ITPR1: variants seen among roughly 807,000 people sequenced by gnomAD.
The protein encoded by ITPR1 is inositol 1,4,5-trisphosphate receptor type 1.
In ITPR1, 96 loss-of-function variants were observed where a neutral mutation model predicts 318.4. The observed-to-expected ratio is 0.30, with a 90% CI of 0.26 to 0.36. ITPR1 has a LOEUF of 0.36. Ranked by LOEUF, ITPR1 falls within the 10% of genes least tolerant of loss-of-function variation. ITPR1 has a pLI of 1.00. For missense variants in ITPR1, 2,440 were observed against 3,460.2 expected (o/e 0.71, Z 7.40); for synonymous variants, 1,312 against 1,289.9 (o/e 1.02, Z -0.37).
chr3:4,578,910 C>A (rs1234990615), intron 4 of ITPR1, among the ~76,000 whole-genome samples: 6 of 152,146 alleles, frequency 3.9e-5, no homozygotes, highest in African/African-American at 1.4e-4. Context: ...AGAGGGGGCC[C>A]CACAGGGTCA....
At chr3:4,752,697 C>T (rs375253417) in intron 44 of ITPR1, among the ~76,000 whole-genome samples, 1 of 152,244 alleles carries the variant, frequency 6.6e-6, no homozygotes, top group East Asian at 1.9e-4. Context: ...AGAGGCCTTA[C>T]TGTGTTGACC....
Position 4,777,255 on chromosome 3 carries a change from T to G in ITPR1, c.6181-9T>G. ...GTTTGTGTGAATGTCTGTGTGTGTC[T>G]TTGCTCAGAACTGCATAGCCACCCA... On this transcript the variant is annotated splice_polypyrimidine_tract_variant and intron_variant, in intron 47 of 61. Transcript: ENST00000649015. 1 of 1,555,854 alleles carries G rather than the reference T, an allele frequency of 6.4e-7. No individual in the cohort carries two copies. The highest frequency in any genetic ancestry group is 8.8e-7 in the Non-Finnish European group (1 of 1,136,492).
intron 4 of ITPR1, among the ~76,000 whole-genome samples, chr3:4,586,417 T>TA (rs1437526776): frequency 1.3e-5 from 2 of 152,186 alleles, no homozygotes; most frequent in East Asian, 3.9e-4. Context: ...TTAACCCTGG[T>TA]AGTCTGACTC....
chr3:4,824,775 T>C (rs2049966577), intron 60 of ITPR1, among the ~76,000 whole-genome samples: 1 of 152,158 alleles, frequency 6.6e-6, no homozygotes, highest in Admixed American at 6.5e-5. Context: ...TCCGAGCTGC[T>C]GCCGCCAGCA....
chr3:4,831,106 GTCTC>G lies in ITPR1; in HGVS notation c.8029-5645_8029-5642del, dbSNP rs147851903. 8.7e-3 allele frequency: 3,431 copies of G among 395,650 alleles called. 278 individuals are homozygous for G. Among genetic ancestry groups the G allele is most frequent in the Admixed American group, 0.022 (778 of 35,356 alleles). The allele number at this position is 395,650 out of a possible 1,614,324, so 24.5% of individuals were successfully genotyped here. A position where few individuals can be genotyped will look rare whatever the true frequency, so the allele number is the denominator to read the frequency against. On this transcript the variant is annotated intron_variant, in intron 60 of 61. Transcript: ENST00000649015. The stretch of plus-strand genomic sequence containing the variant: ...CTTCCTCCTCCGTCTGTCTGTCTTT[GTCTC>G]TCTCTCTCTCTCTCTCTCTCTCACA...
intron 2 of ITPR1, among the ~76,000 whole-genome samples, chr3:4,515,480 A>G (rs1237931703): frequency 1.3e-5 from 2 of 152,236 alleles, no homozygotes; most frequent in Non-Finnish European, 2.9e-5. Context: ...TCTCCACAGC[A>G]GATGCCTGAG....
rs964432833 is a variant in ITPR1 at position 4,779,802 on chromosome 3, T to C, written c.6387+157T>C. Among the ~76,000 whole-genome samples the C allele has an allele frequency of 2.0e-5, 3 of 151,562 alleles. No homozygotes were observed. The highest frequency in any genetic ancestry group is 7.3e-5 in the African/African-American group (3 of 41,258). ...TCAGGCCTCTGACTGAGTAGAGAAG[T>C]GAAATATTTTGGTTGGTGCAAAAGT... On this transcript the variant is annotated intron_variant, in intron 49 of 61. Coordinates refer to ENST00000649015, the MANE Select transcript of ITPR1 (RefSeq NM_001378452.1). The surrounding 1 kb of genome is among the most constrained non-coding windows in gnomAD (Gnocchi z 4.0).
chr3:4,710,412 C>G lies in ITPR1; in HGVS notation c.4930C>G (p.Leu1644Val), dbSNP rs1325539359. The G allele has an allele frequency of 2.6e-6, 4 of 1,557,134 alleles. No individual in the cohort carries two copies. Among genetic ancestry groups the G allele is most frequent in the Non-Finnish European group, 3.5e-6 (4 of 1,149,662 alleles). Residue 1644 changes from leucine (L) to valine (V), a missense_variant, in exon 38 of 62, where the codon CTG (leucine) becomes GTG (valine). Physicochemically the swap from Leu to Val is conservative, Grantham distance 32. Coordinates refer to ENST00000649015, the MANE Select transcript of ITPR1 (RefSeq NM_001378452.1). The surrounding 1 kb of genome is among the most constrained non-coding windows in gnomAD (Gnocchi z 4.2). ...VLVDVLHRPE[L>V]LFPENTDARR... ...CGTGGATGTTCTCCACAGACCCGAG[C>G]TGCTTTTCCCAGAGAACACAGACGC...
intron 40 of ITPR1, among the ~76,000 whole-genome samples, chr3:4,722,577 T>C (rs142373749): frequency 6.6e-6 from 1 of 152,334 alleles, no homozygotes; most frequent in African/African-American, 2.4e-5. Flanking sequence ...TTTGAACATA[T>C]ATATCCTATT....
At chr3:4,650,645 G>GTGTGCA (rs1491220486) in intron 10 of ITPR1, among the ~76,000 whole-genome samples, 1,575 of 51,804 alleles carry the variant, frequency 0.03, 25 homozygotes, top group Middle Eastern at 0.053. Context: ...GTGTGTGTGT[G>GTGTGCA]CGCGCGTCTG....
chr3:4,782,084 A>G (rs2125397096), intron 49 of ITPR1, among the ~76,000 whole-genome samples: 1 of 152,368 alleles, frequency 6.6e-6, no homozygotes, highest in Admixed American at 6.5e-5. Context: ...GCACATAGTA[A>G]GTACTCAGTA....
intron 10 of ITPR1, among the ~76,000 whole-genome samples, chr3:4,651,592 T>C (rs1221205568): frequency 1.3e-5 from 2 of 152,244 alleles, no homozygotes; most frequent in African/African-American, 4.8e-5. Flanking sequence ...CTATGGCAAT[T>C]TCATCTATTC....
intron 4 of ITPR1, among the ~76,000 whole-genome samples, chr3:4,529,847 TC>T (rs201717922): frequency 0.011 from 1,662 of 152,328 alleles, 29 homozygotes; most frequent in African/African-American, 0.038. Context: ...ATTTATTTAA[TC>T]CTCATAACAA....
At chr3:4,709,568 G>A (rs7631664) in intron 37 of ITPR1, among the ~76,000 whole-genome samples, 103,882 of 152,106 alleles carry the variant, frequency 0.68, 37,292 homozygotes, top group East Asian at 0.85. Context: ...ACCAAACCAT[G>A]GAGCAGGCTT....
At chr3:4,589,520 C>T (rs963899267) in intron 4 of ITPR1, among the ~76,000 whole-genome samples, 5 of 152,154 alleles carry the variant, frequency 3.3e-5, no homozygotes, top group African/African-American at 1.2e-4. Flanking sequence ...AGGTAGTTTG[C>T]AGGCAATTGC....
intron 12 of ITPR1, among the ~76,000 whole-genome samples, chr3:4,655,708 G>A (rs183723645): frequency 1.5e-3 from 226 of 152,292 alleles, no homozygotes; most frequent in Non-Finnish European, 2.4e-3. Context: ...GTCTTTTGAC[G>A]TTTTCGTGCT....
rs372881053 is a variant in ITPR1 at position 4,685,168 on chromosome 3, G to A, written c.3664G>A (p.Ala1222Thr). Residue 1222 changes from alanine (A) to threonine (T), a missense_variant, in exon 30 of 62, where the codon GCC (alanine) becomes ACC (threonine). Around this residue, in one of 23 missense-constraint regions of ITPR1, gnomAD observed 222 missense variants for 318.8 expected, o/e 0.70. Coordinates refer to ENST00000649015, the MANE Select transcript of ITPR1 (RefSeq NM_001378452.1). ...QRLLRNMGAH[A>T]VVLELLQIPY... ...TCTGCTCCGGAACATGGGCGCGCAC[G>A]CCGTGGTGCTGGAGCTGCTGCAGAT... The A allele has an allele frequency of 4.8e-5, 77 of 1,606,970 alleles. No homozygotes were observed. The highest frequency in any genetic ancestry group is 1.5e-4 in the Admixed American group (9 of 59,612).
chr3:4,822,228 G>A (rs142954832), intron 60 of ITPR1, among the ~76,000 whole-genome samples: 149 of 152,306 alleles, frequency 9.8e-4, no homozygotes, highest in African/African-American at 3.2e-3. Flanking sequence ...GGGAGCAGGC[G>A]AAAGAGCAAC....
chr3:4,695,565 G>A (rs2094544509), intron 33 of ITPR1, among the ~76,000 whole-genome samples: 1 of 151,970 alleles, frequency 6.6e-6, no homozygotes, highest in South Asian at 2.1e-4. Context: ...CTCCCCCAAG[G>A]GCTGTCTCCT....
Sources: gnomAD v4.1 joint callset for allele counts (sites outside exome capture counted in the v4.1 genomes callset) on GRCh38, gnomAD v4.1.1 for gene constraint, gnomAD v4.1.1 regional missense constraint, Gnocchi (gnomAD v3.1) non-coding constraint, MANE v1.5 for transcripts, NCBI Gene and HGNC (gene_info 2026-07-23, HGNC 2026-07-21) for gene names.